PCDHA5: variants seen among roughly 807,000 people sequenced by gnomAD.
PCDHA5 encodes the protein protocadherin alpha 5.
Under a neutral mutation model 61.6 loss-of-function variants are expected in PCDHA5, and 43 were observed. The observed-to-expected ratio is 0.70, with a 90% CI of 0.55 to 0.90. PCDHA5 has a LOEUF of 0.90. PCDHA5 is among the 40% of genes least tolerant of loss of function. PCDHA5 has a pLI of 0.00. For missense variants in PCDHA5, 1,298 were observed against 1,222.7 expected, an observed-to-expected ratio of 1.06 and a Z score of -0.92; for synonymous variants, 627 against 543.9, an observed-to-expected ratio of 1.15 and a Z score of -2.13.
chr5:140,894,778 T>C (rs1477645245), intron 1 of PCDHA5, among the ~76,000 whole-genome samples: 1 of 152,140 alleles, frequency 6.6e-6, no homozygotes, highest in Non-Finnish European at 1.5e-5. Flanking sequence ...TTTAGTGTAA[T>C]TATTTGTCCT....
intron 1 of PCDHA5, among the ~76,000 whole-genome samples, chr5:140,879,152 A>C (rs1369330748): frequency 6.6e-6 from 1 of 152,210 alleles, no homozygotes; most frequent in African/African-American, 2.4e-5. Context: ...CAGGAAAGCT[A>C]TTTCTTTTTT....
chr5:140,896,596 C>T (rs1554187019), intron 1 of PCDHA5, among the ~76,000 whole-genome samples: 2 of 151,466 alleles, frequency 1.3e-5, no homozygotes, highest in African/African-American at 4.9e-5. Flanking sequence ...AGGCTGGTCT[C>T]GAACTCCTGG....
At position 141,010,065 on chromosome 5, in the gene PCDHA5, A is replaced by G; in HGVS notation, c.*128A>G. The stretch of plus-strand genomic sequence containing the variant: ...CTTAGAGACCTCAGAAATCTGCAGA[A>G]AGTTCCCTGTGTCTGTCTAGAACGC... On this transcript the variant is annotated 3_prime_UTR_variant, in exon 4 of 4. Coordinates refer to ENST00000529859, the MANE Select transcript of PCDHA5 (RefSeq NM_018908.3). The G allele has an allele frequency of 1.9e-6, 3 of 1,603,546 alleles. No homozygotes were observed. The highest frequency in any genetic ancestry group is 1.1e-5 in the South Asian group (1 of 89,360).
chr5:140,909,496 G>C (rs1554193832), intron 1 of PCDHA5, among the ~76,000 whole-genome samples: 1 of 152,168 alleles, frequency 6.6e-6, no homozygotes, highest in African/African-American at 2.4e-5. Context: ...GCTGAACGGG[G>C]ATGTGGTGGG....
chr5:140,946,384 G>A (rs2093939169), intron 1 of PCDHA5, among the ~76,000 whole-genome samples: 1 of 151,758 alleles, frequency 6.6e-6, no homozygotes, highest in Non-Finnish European at 1.5e-5. Context: ...CGGTTGGTAG[G>A]AATGTAAATT....
intron 1 of PCDHA5, chr5:140,876,955 G>T (rs782751017): frequency 1.3e-5 from 21 of 1,613,390 alleles, no homozygotes; most frequent in Non-Finnish European, 1.7e-5. Context: ...CTACTCGCTG[G>T]TGGAGCGGCG....
intron 3 of PCDHA5, among the ~76,000 whole-genome samples, chr5:141,006,484 A>T (rs1028996250): frequency 9.9e-5 from 15 of 152,130 alleles, no homozygotes; most frequent in Non-Finnish European, 7.4e-5. Flanking sequence ...AAGTGCTGGG[A>T]TTACATGTGT....
At chr5:140,834,190 C>T in intron 1 of PCDHA5, 2 of 580,584 alleles carry the variant, frequency 3.4e-6, no homozygotes, top group South Asian at 2.5e-5. Context: ...CATGATGTCG[C>T]TCTTTACCGC....
intron 1 of PCDHA5, chr5:140,830,565 C>A: frequency 1.0e-6 from 1 of 976,906 alleles, no homozygotes; most frequent in South Asian, 3.1e-5. Context: ...TTCTATATTT[C>A]TGTTTTTAAT....
At chr5:140,869,560 C>T in intron 1 of PCDHA5, 1 of 1,614,158 alleles carries the variant, frequency 6.2e-7, no homozygotes, top group Non-Finnish European at 8.5e-7. Context: ...CTCGCGTTTT[C>T]CACTAGAGGG....
chr5:140,835,384 G>A, intron 1 of PCDHA5: 1 of 1,613,998 alleles, frequency 6.2e-7, no homozygotes, highest in Non-Finnish European at 8.5e-7. Flanking sequence ...GCTGGTCATT[G>A]TACAGTTCTT....
intron 3 of PCDHA5, among the ~76,000 whole-genome samples, chr5:140,999,140 G>A (rs1473682487): frequency 6.6e-6 from 1 of 152,164 alleles, no homozygotes; most frequent in African/African-American, 2.4e-5. Context: ...TGTCACAGCC[G>A]GAAGTCTTCA....
chr5:140,828,388 C>G (rs2150154802), intron 1 of PCDHA5: 3 of 1,614,274 alleles, frequency 1.9e-6, no homozygotes, highest in Non-Finnish European at 2.5e-6. Flanking sequence ...GCGGGCGGAG[C>G]GCGGAGTGCA....
intron 1 of PCDHA5, among the ~76,000 whole-genome samples, chr5:140,946,635 A>G (rs2094003182): frequency 1.6e-5 from 1 of 62,812 alleles, no homozygotes; most frequent in Admixed American, 1.5e-4. Flanking sequence ...TATATATACA[A>G]TGGAATACTC....
At chr5:140,982,213 A>G in intron 2 of PCDHA5, 2 of 482,032 alleles carry the variant, frequency 4.1e-6, no homozygotes, top group South Asian at 8.1e-5. Context: ...TGAGCGCCAC[A>G]TGGCGTTAAT....
Position 140,883,341 on chromosome 5 carries a change from C to A in PCDHA5, c.2352+59214C>A, listed in dbSNP as rs144000682. The A allele has an allele frequency of 4.3e-5, 70 of 1,614,144 alleles. No homozygotes were observed. The African/African-American group carries it at 9.1e-4, about 21-fold the overall frequency. The stretch of plus-strand genomic sequence containing the variant: ...GTTACCATCACTTCTTTGTCACTCC[C>A]CATCAGAGAAGACACTCAGCCTAGC... On this transcript the variant is annotated intron_variant, in intron 1 of 3. Transcript: ENST00000529859.
rs116001450 is a variant in PCDHA5 at position 140,876,617 on chromosome 5, A to G, written c.2352+52490A>G. 182 of 1,614,178 alleles carry G rather than the reference A, an allele frequency of 1.1e-4. No individual in the cohort carries two copies. The African/African-American group carries it at 2.3e-3, about 20-fold the overall frequency. ...GTGTCGGATCGTGACTCTGGAGCCAATGGACAGGTCATCTGCTCACTGACA... is the reference window on the plus strand; with the variant it reads ...GTGTCGGATCGTGACTCTGGAGCCAGTGGACAGGTCATCTGCTCACTGACA... On this transcript the variant is annotated intron_variant, in intron 1 of 3. Transcript: ENST00000529859.
At chr5:140,875,616 C>A (rs2055654644) in intron 1 of PCDHA5, 2 of 1,613,748 alleles carry the variant, frequency 1.2e-6, no homozygotes, top group Admixed American at 1.7e-5. Context: ...TGGGCCGCAT[C>A]GCTCAGGACC....
chr5:140,841,503 C>T (rs2150316766), intron 1 of PCDHA5: 3 of 1,613,300 alleles, frequency 1.9e-6, no homozygotes, highest in African/African-American at 1.3e-5. Context: ...GAGCTGGTGC[C>T]GCGCCTGTTC....
Sources: gnomAD v4.1 joint callset for allele counts (sites outside exome capture counted in the v4.1 genomes callset) on GRCh38, gnomAD v4.1.1 for gene constraint, MANE v1.5 for transcripts, NCBI Gene and HGNC (gene_info 2026-07-23, HGNC 2026-07-21) for gene names.